The following STK11IP variants were observed in gnomAD, a reference collection of about 807,000 sequenced individuals.
STK11IP encodes serine/threonine-protein kinase 11-interacting protein.
In STK11IP, 103 loss-of-function variants were observed where a neutral mutation model predicts 131.7. The observed-to-expected ratio is 0.78, with a 90% CI of 0.67 to 0.92. The LOEUF is 0.92. Among genes scored for constraint, STK11IP ranks in the 40% least tolerant of loss-of-function variants. The probability of loss-of-function intolerance (pLI) is 0.00; values close to 1 mark genes in which losing one functional copy is unlikely to be tolerated. For missense variants in STK11IP, 1,315 were observed against 1,385.7 expected, an observed-to-expected ratio of 0.95 and a Z score of 0.81; for synonymous variants, 557 against 575.6, an observed-to-expected ratio of 0.97 and a Z score of 0.46.
rs374546281 is a variant in STK11IP at position 219,614,524 on chromosome 2, C to G, written c.2847C>G (p.Tyr949Ter). 6.2e-7 allele frequency: 1 copy of G among 1,613,726 alleles called. No homozygotes were observed. Among genetic ancestry groups the G allele is most frequent in the African/African-American group, 1.3e-5 (1 of 74,944 alleles). The change falls in exon 23 of 25, where the codon TAC becomes TAG. Residue 949 changes from tyrosine (Y) to a stop codon, truncating the protein, a stop_gained. Coordinates refer to ENST00000456909, the MANE Select transcript of STK11IP (RefSeq NM_052902.4). LOFTEE classifies it high-confidence loss of function. ...DSSLEARQFF[Y>*]LRAFLVEGPS... ...CCTTGGAGGCTCGCCAGTTCTTCTA[C>G]CTTCGGGCGTTCCTGGTTGAAGGTG...
chr2:219,613,928 T>G lies in STK11IP; in HGVS notation c.2714T>G (p.Leu905Arg), dbSNP rs1559188224. The G allele has an allele frequency of 2.8e-6, 4 of 1,448,556 alleles. No individual in the cohort carries two copies. Among genetic ancestry groups the G allele is most frequent in the Non-Finnish European group, 3.7e-6 (4 of 1,078,232 alleles). The allele number at this position is 1,448,556 out of a possible 1,614,324, so 89.7% of individuals were successfully genotyped here. The change falls in exon 21 of 25, where the codon CTT becomes CGT. Residue 905 changes from leucine to arginine, a missense_variant and splice_region_variant. Coordinates refer to ENST00000456909, the MANE Select transcript of STK11IP (RefSeq NM_052902.4). ...TGCCGGGCCTTCCTAGAGGAGCTCC[T>G]TGGTGAGAGAGGGGAGGGGAAGGCA... is the stretch of plus-strand genomic sequence containing the variant. Reference protein sequence around the residue: ...RHCRAFLEELLDVLQSLPPAW... With the variant: ...RHCRAFLEELRDVLQSLPPAW...
chr2:219,606,334 C>T (rs1698156795), intron 10 of STK11IP, 44 bp downstream of exon 10: 25 of 1,548,042 alleles, frequency 1.6e-5, no homozygotes, highest in Non-Finnish European at 2.1e-5. Flanking sequence ...CTTTCCTGCC[C>T]AGTCCTCCCC....
chr2:219,614,361 T>C, intron 22 of STK11IP, 115 bp from the exon 23 acceptor site: 1 of 1,507,094 alleles, frequency 6.6e-7, no homozygotes. Flanking sequence ...CCATGCCCCT[T>C]ATGGGCCCCT....
At position 219,605,300 on chromosome 2, in the gene STK11IP, C is replaced by T. The variant is rs113346194; in HGVS notation, c.619-308C>T. ...TTACCCTTTCACAGAGACTGGGAGA[C>T]GGGGCCCTATCTTCAGGAGTTGGCT... On this transcript the variant is annotated intron_variant, in intron 7 of 24. Transcript: ENST00000456909. Among the ~76,000 whole-genome samples the T allele has an allele frequency of 2.2e-3, 336 of 152,280 alleles. 1 individual carries two copies. The highest frequency in any genetic ancestry group is 5.3e-3 in the African/African-American group (219 of 41,550).
chr2:219,598,770 C>T (rs903519647), intron 2 of STK11IP, among the ~76,000 whole-genome samples: 4 of 152,228 alleles, frequency 2.6e-5, no homozygotes, highest in African/African-American at 7.2e-5. Context: ...TGTGCCTGGG[C>T]ATAATGGAGC....
At position 219,614,555 on chromosome 2, in the gene STK11IP, T is replaced by G. The variant is rs1465554811; in HGVS notation, c.2869+9T>G. 6.2e-7 allele frequency: 1 copy of G among 1,613,586 alleles called. No homozygotes were observed. The highest frequency in any genetic ancestry group is 1.3e-5 in the African/African-American group (1 of 74,936). ...GGCGTTCCTGGTTGAAGGTGAAGCC[T>G]CTGTGCAGCTGATGCTTCCCTGGTC... On this transcript the variant is annotated intron_variant, in intron 23 of 24. Transcript: ENST00000456909.
Position 219,609,404 on chromosome 2 carries a change from G to A in STK11IP, c.1968G>A (p.Arg656=). The stretch of plus-strand genomic sequence containing the variant: ...TGACCCCAGTCACCAATGTGGCTCG[G>A]GAACAGCTTGGGGAGGCCAGGGACC... The part of the protein sequence containing the change: ...AVLTPVTNVA[R]EQLGEARDLL... Residue 656 remains arginine (R), a synonymous_variant, in exon 17 of 25, where the codon CGG becomes CGA. Transcript: ENST00000456909. 6.2e-7 allele frequency: 1 copy of A among 1,613,634 alleles called. No individual in the cohort carries two copies. The highest frequency in any genetic ancestry group is 1.1e-5 in the South Asian group (1 of 90,996).
intron 23 of STK11IP, 39 bp from the exon 24 acceptor site, chr2:219,615,055 C>T: frequency 3.8e-6 from 6 of 1,591,320 alleles, no homozygotes; most frequent in Non-Finnish European, 5.1e-6. Context: ...ATCTGGGCCC[C>T]TCCATGACCT....
rs751187092 is a variant in STK11IP at position 219,606,407 on chromosome 2, T to C, written c.946-69T>C. On this transcript the variant is annotated intron_variant, in intron 10 of 24. Transcript: ENST00000456909. ...AAGGACCTGGACCCTGCTTACTGTG[T>C]TCTTAATACCTGGAGCTCAGCAGGA... The C allele has an allele frequency of 1.9e-6, 3 of 1,568,368 alleles. No homozygotes were observed. The South Asian group carries it at 3.5e-5, about 18-fold the overall frequency.
At chr2:219,606,630 G>T in intron 11 of STK11IP, 82 bp from the exon 12 acceptor site, 2 of 1,598,050 alleles carry the variant, frequency 1.3e-6, no homozygotes, top group Admixed American at 3.4e-5. Flanking sequence ...GGAAAGTAGG[G>T]TCCCGCCTTT....
intron 17 of STK11IP, 23 bp from the exon 18 acceptor site, chr2:219,611,581 G>A (rs778356569): frequency 1.3e-6 from 2 of 1,588,564 alleles, no homozygotes; most frequent in Non-Finnish European, 8.6e-7. Context: ...GGCTCATGGG[G>A]ACCGTGTCCA....
intron 19 of STK11IP, 49 bp from the exon 20 acceptor site, chr2:219,613,079 C>A: frequency 6.6e-7 from 1 of 1,523,312 alleles, no homozygotes; most frequent in Non-Finnish European, 9.0e-7. Context: ...TCTGGCCCCA[C>A]CTCCCCAGGC....
At chr2:219,602,441 T>C (rs1310938461) in intron 5 of STK11IP, 27 bp from the exon 6 acceptor site, 11 of 1,564,538 alleles carry the variant, frequency 7.0e-6, no homozygotes, top group Non-Finnish European at 9.7e-6. Context: ...GAGGGTGGGG[T>C]AATGAAGCAC....
intron 19 of STK11IP, chr2:219,612,919 G>A: frequency 1.8e-6 from 1 of 552,354 alleles, no homozygotes; most frequent in Non-Finnish European, 3.3e-6. Context: ...AGGGAAGCCA[G>A]CTGCTGAGGC....
rs1324433103 is a variant in STK11IP at position 219,615,346 on chromosome 2, G to C, written c.3117+5G>C. The C allele has an allele frequency of 6.3e-7, 1 of 1,594,706 alleles. No homozygotes were observed. The highest frequency in any genetic ancestry group is 1.7e-5 in the Admixed American group (1 of 59,862). On this transcript the variant is annotated splice_donor_5th_base_variant and intron_variant, in intron 24 of 24. Coordinates refer to ENST00000456909, the MANE Select transcript of STK11IP (RefSeq NM_052902.4). ...CGGCTGCTCTTCTACGATGAGGTGT[G>C]TATGTGTATCTCCAGTGAGAGGGAG...
chr2:219,601,750 C>A, intron 4 of STK11IP, 35 bp downstream of exon 4: 2 of 1,575,202 alleles, frequency 1.3e-6, no homozygotes, highest in East Asian at 2.3e-5. Flanking sequence ...GTGCACAGCA[C>A]CCAACTTGAG....
rs774255841 is a variant in STK11IP at position 219,609,389 on chromosome 2, C to T, written c.1953C>T (p.Val651=). Residue 651 remains valine, a synonymous_variant, in exon 17 of 25, where the codon GTC becomes GTT. Transcript: ENST00000456909. ...VQELLAVLTP[V]TNVAREQLGE... is the part of the protein sequence containing the mutation. The stretch of plus-strand genomic sequence containing the variant: ...AGCTGCTTGCCGTGTTGACCCCAGT[C>T]ACCAATGTGGCTCGGGAACAGCTTG... 1.9e-6 allele frequency: 3 copies of T among 1,613,842 alleles called. No homozygotes were observed. The highest frequency in any genetic ancestry group is 2.5e-6 in the Non-Finnish European group (3 of 1,179,870).
In STK11IP at chr2:219,606,178, C is replaced by G. The variant is rs200275581; in HGVS notation, c.850-17C>G. ...AGGGCCCCAGGCCCTCCTCATTCTC[C>G]CCTTCCTGCCCCTCAGCTCTACCTG... On this transcript the variant is annotated splice_polypyrimidine_tract_variant and intron_variant, in intron 9 of 24. Coordinates refer to ENST00000456909, the MANE Select transcript of STK11IP (RefSeq NM_052902.4). The G allele has an allele frequency of 1.3e-6, 2 of 1,555,960 alleles. No homozygotes were observed. Among genetic ancestry groups the G allele is most frequent in the East Asian group, 4.8e-5 (2 of 41,286 alleles).
At chr2:219,601,900 C>G (rs1697998065) in intron 4 of STK11IP, 88 bp from the exon 5 acceptor site, 3 of 1,339,080 alleles carry the variant, frequency 2.2e-6, no homozygotes, top group Middle Eastern at 3.6e-4. Flanking sequence ...GCTTTGTGGT[C>G]TTCTCCCTCC....
Sources: gnomAD v4.1 joint callset for allele counts (sites outside exome capture counted in the v4.1 genomes callset) on GRCh38, gnomAD v4.1.1 for gene constraint, MANE v1.5 for transcripts, NCBI Gene and HGNC (gene_info 2026-07-23, HGNC 2026-07-21) for gene names.